Variants in ABCB1 observed in about 807,000 individuals in gnomAD.
The protein encoded by ABCB1 is ATP binding cassette subfamily B member 1.
A neutral mutation model predicts 142.0 loss-of-function variants in ABCB1; 69 were observed. The ratio of observed to expected loss-of-function variants is 0.49; its 90% CI spans 0.40 to 0.59. The LOEUF (loss-of-function observed/expected upper bound fraction) is 0.59, where lower values mean the gene tolerates loss of function less well. Ranked by LOEUF, ABCB1 falls within the 20% of genes least tolerant of loss-of-function variation. ABCB1 has a pLI of 0.00. For synonymous variants in ABCB1, 532 were observed against 539.2 expected (o/e 0.99, Z 0.18); for missense variants, 1,326 against 1,554.7 (o/e 0.85, Z 2.47).
chr7:87,624,394 G>C (rs562095790), intron 1 of ABCB1, among the ~76,000 whole-genome samples: 1 of 152,024 alleles, frequency 6.6e-6, no homozygotes, highest in Non-Finnish European at 1.5e-5. Context: ...TGATCTCTCT[G>C]GTTTATAGCA....
At chr7:87,512,730 G>T (rs1479773148) in intron 25 of ABCB1, among the ~76,000 whole-genome samples, 1 of 152,200 alleles carries the variant, frequency 6.6e-6, no homozygotes, top group African/African-American at 2.4e-5. Flanking sequence ...GTTTATTGTG[G>T]ACACTTTCTG....
chr7:87,704,558 C>T (rs148164401), intron 1 of ABCB1, among the ~76,000 whole-genome samples: 29 of 152,310 alleles, frequency 1.9e-4, no homozygotes, highest in African/African-American at 7.0e-4. Flanking sequence ...GACCAACTCT[C>T]TTAACAAGGC....
In ABCB1 at chr7:87,566,257, G is replaced by T. The variant is rs200561343; in HGVS notation, c.531-16C>A. 2 of 1,612,254 alleles carry T rather than the reference G, an allele frequency of 1.2e-6. No homozygotes were observed. The highest frequency in any genetic ancestry group is 1.7e-6 in the Non-Finnish European group (2 of 1,178,356). ...GGAGACATCACTGAAAGAACAGATA[G>T]TGTTAGAAATAATTGTCAGAATTGT... On this transcript the variant is annotated splice_polypyrimidine_tract_variant and intron_variant, in intron 6 of 27. Transcript: ENST00000622132.
intron 1 of ABCB1, among the ~76,000 whole-genome samples, chr7:87,688,537 T>C (rs1182710901): frequency 1.3e-5 from 2 of 152,150 alleles, no homozygotes; most frequent in East Asian, 3.9e-4. Context: ...AAAAACTATT[T>C]ATTATGTGGA....
At chr7:87,702,193 ATT>A (rs914477876) in intron 1 of ABCB1, among the ~76,000 whole-genome samples, 1 of 146,478 alleles carries the variant, frequency 6.8e-6, no homozygotes, top group Non-Finnish European at 1.5e-5. Flanking sequence ...TTTCTCACTA[ATT>A]TTTTTTTAGG....
intron 3 of ABCB1, among the ~76,000 whole-genome samples, chr7:87,592,928 C>CT (rs35396007): frequency 0.024 from 3,346 of 138,102 alleles, 116 homozygotes; most frequent in African/African-American, 0.076. Flanking sequence ...AATATATAAT[C>CT]TTTTTTTTTT....
intron 1 of ABCB1, among the ~76,000 whole-genome samples, chr7:87,667,972 T>C (rs1825434314): frequency 6.6e-6 from 1 of 152,116 alleles, no homozygotes; most frequent in Admixed American, 6.6e-5. Flanking sequence ...TCTTCCAGGT[T>C]TGGGTATTAA....
intron 1 of ABCB1, among the ~76,000 whole-genome samples, chr7:87,677,517 T>G (rs1826496781): frequency 1.3e-5 from 2 of 151,870 alleles, no homozygotes; most frequent in Admixed American, 1.3e-4. Flanking sequence ...TACCAGAGGC[T>G]GGGGGATAGG....
At chr7:87,616,140 C>T (rs1256738035) in intron 1 of ABCB1, among the ~76,000 whole-genome samples, 5 of 152,062 alleles carry the variant, frequency 3.3e-5, no homozygotes, top group Non-Finnish European at 5.9e-5. Context: ...AATTATGTAC[C>T]TGAGTGTTAT....
At chr7:87,600,311 G>T in intron 1 of ABCB1, 121 bp from the exon 2 acceptor site, 2 of 794,734 alleles carry the variant, frequency 2.5e-6, no homozygotes, top group Non-Finnish European at 4.3e-6. Flanking sequence ...CGCCGTTGAT[G>T]CCCCAGCTGC....
chr7:87,703,763 T>C (rs1425367680), intron 1 of ABCB1, among the ~76,000 whole-genome samples: 2 of 151,942 alleles, frequency 1.3e-5, no homozygotes, highest in Admixed American at 1.3e-4. Flanking sequence ...CTTTGACCTC[T>C]GTTTCCTCAA....
intron 14 of ABCB1, among the ~76,000 whole-genome samples, chr7:87,546,505 A>G (rs1307730379): frequency 6.6e-6 from 1 of 151,848 alleles, no homozygotes; most frequent in South Asian, 2.1e-4. Context: ...GCAGTGAGCC[A>G]AGATCGCACC....
At chr7:87,538,205 G>T (rs1320198065) in intron 19 of ABCB1, among the ~76,000 whole-genome samples, 1 of 152,170 alleles carries the variant, frequency 6.6e-6, no homozygotes, top group African/African-American at 2.4e-5. Context: ...TGGCCTGGAG[G>T]CTGGTTGGGT....
At chr7:87,560,423 A>G (rs1182782954) in intron 8 of ABCB1, among the ~76,000 whole-genome samples, 3 of 152,178 alleles carry the variant, frequency 2.0e-5, no homozygotes, top group Admixed American at 6.5e-5. Flanking sequence ...TGAGATCAAG[A>G]AACAGAACAC....
chr7:87,546,699 T>C (rs17149754), intron 14 of ABCB1, among the ~76,000 whole-genome samples: 2,310 of 152,232 alleles, frequency 0.015, 65 homozygotes, highest in African/African-American at 0.052. Context: ...TAATCAGCCC[T>C]AGGAATTATA....
At chr7:87,703,894 T>TTTTTTTTTTTTTTTTG in intron 1 of ABCB1, among the ~76,000 whole-genome samples, 1 of 112,084 alleles carries the variant, frequency 8.9e-6, no homozygotes, top group African/African-American at 3.5e-5. Flanking sequence ...TCTTTTTTTT[T>TTTTTTTTTTTTTTTTG]TTTTTTTTTT....
chr7:87,690,014 G>A (rs2130640101), intron 1 of ABCB1, among the ~76,000 whole-genome samples: 1 of 151,662 alleles, frequency 6.6e-6, no homozygotes, highest in African/African-American at 2.4e-5. Context: ...ATTTTTTATA[G>A]AGACAGAGTC....
intron 15 of ABCB1, among the ~76,000 whole-genome samples, chr7:87,545,660 T>C (rs886961657): frequency 2.6e-5 from 4 of 152,210 alleles, no homozygotes; most frequent in Non-Finnish European, 5.9e-5. Flanking sequence ...AACCTTTTAA[T>C]TTTTTTATCT....
chr7:87,643,887 T>C (rs1338946629), intron 1 of ABCB1, among the ~76,000 whole-genome samples: 1 of 151,828 alleles, frequency 6.6e-6, no homozygotes, highest in African/African-American at 2.4e-5. Context: ...TTTGTTTGTT[T>C]CCGCTCTTTC....
Sources: gnomAD v4.1 joint callset for allele counts (sites outside exome capture counted in the v4.1 genomes callset) on GRCh38, gnomAD v4.1.1 for gene constraint, MANE v1.5 for transcripts, NCBI Gene and HGNC (gene_info 2026-07-23, HGNC 2026-07-21) for gene names.